FBXW11: variants seen among roughly 807,000 people sequenced by gnomAD.
FBXW11 encodes the protein F-box/WD repeat-containing protein 11.
Under a neutral mutation model 77.6 loss-of-function variants are expected in FBXW11, and 19 were observed. The ratio of observed to expected loss-of-function variants is 0.24; its 90% confidence interval spans 0.17 to 0.36. FBXW11 has a LOEUF of 0.36. Among genes scored for constraint, FBXW11 ranks in the 10% least tolerant of loss-of-function variants. The pLI is 1.00. For synonymous variants in FBXW11, 235 were observed against 249.4 expected (o/e 0.94, Z 0.54); for missense variants, 334 against 704.2 (o/e 0.47, Z 5.95).
rs1049016876 is a variant in FBXW11, at chr5:171,932,164, C to G, written c.148-17759G>C. Among the ~76,000 whole-genome samples the G allele has an allele frequency of 7.2e-4, 109 of 152,088 alleles. 2 individuals are homozygous for G. The highest frequency in any genetic ancestry group is 1.0e-3 in the South Asian group (5 of 4,808). On this transcript the variant is annotated intron_variant, in intron 2 of 13. Transcript: ENST00000517395. ...TGCTGGGATTATAGGTGTGAGCCAC[C>G]ATGCCTGGCCTAGAAACAATTCTTC...
chr5:171,888,315 T>TTACCCTTGAGCTGTA (rs1759055298), intron 7 of FBXW11, among the ~76,000 whole-genome samples: 1 of 152,200 alleles, frequency 6.6e-6, no homozygotes, highest in Non-Finnish European at 1.5e-5. Context: ...TGACTTGGGC[T>TTACCCTTGAGCTGTA]TACCCTTGAG....
intron 1 of FBXW11, among the ~76,000 whole-genome samples, chr5:171,993,999 T>C (rs1436355821): frequency 6.6e-6 from 1 of 152,242 alleles, no homozygotes; most frequent in Non-Finnish European, 1.5e-5. Flanking sequence ...AACTAACCTA[T>C]TCCAAGTTGC....
At position 171,872,969 on chromosome 5, in the gene FBXW11, C is replaced by G. The variant is rs1757846396; in HGVS notation, c.1243G>C (p.Glu415Gln). ...TIKVWSTSTCEFVRTLNGHKR... is the reference protein window; with the variant it reads ...TIKVWSTSTCQFVRTLNGHKR... ...TGCCCATTGAGAGTACGAACAAATT[C>G]ACAGGTGCTCGTGCTCCAGACCTGT... Residue 415 changes from glutamate to glutamine, a missense_variant, in exon 10 of 14, where the codon GAA becomes CAA. Coordinates refer to ENST00000517395, the MANE Select transcript of FBXW11 (RefSeq NM_001378974.1). The G allele has an allele frequency of 1.9e-6, 3 of 1,613,774 alleles. No homozygotes were observed.
intron 2 of FBXW11, among the ~76,000 whole-genome samples, chr5:171,920,169 C>CA (rs557922792): frequency 4.2e-4 from 62 of 148,930 alleles, no homozygotes; most frequent in South Asian, 1.1e-3. Context: ...TCTCAAAAAA[C>CA]AAAAAAAAAG....
At chr5:171,921,002 G>A (rs1051000585) in intron 2 of FBXW11, among the ~76,000 whole-genome samples, 2 of 152,120 alleles carry the variant, frequency 1.3e-5, no homozygotes, top group African/African-American at 4.8e-5. Context: ...ACAATATTGT[G>A]ACTTGAAAAC....
At chr5:171,992,449 A>G (rs1765795290) in intron 1 of FBXW11, among the ~76,000 whole-genome samples, 1 of 151,690 alleles carries the variant, frequency 6.6e-6, no homozygotes, top group South Asian at 2.1e-4. Flanking sequence ...AAAGGGGGAG[A>G]GAGAGAGAGA....
chr5:171,943,206 T>C (rs1168732574), intron 2 of FBXW11, among the ~76,000 whole-genome samples: 1 of 152,222 alleles, frequency 6.6e-6, no homozygotes, highest in Non-Finnish European at 1.5e-5. Context: ...CTACAACAAT[T>C]GGCAGCTTGT....
chr5:171,963,577 A>G (rs192326921), intron 1 of FBXW11, among the ~76,000 whole-genome samples: 2 of 152,310 alleles, frequency 1.3e-5, no homozygotes, highest in East Asian at 3.9e-4. Context: ...CCAATTTTAC[A>G]TCAATGTGAA....
At chr5:171,901,254 C>CTGTT in intron 4 of FBXW11, among the ~76,000 whole-genome samples, 1 of 152,270 alleles carries the variant, frequency 6.6e-6, no homozygotes, top group African/African-American at 2.4e-5. Flanking sequence ...AGGTTAATAT[C>CTGTT]TGTTCTCTTT....
intron 6 of FBXW11, among the ~76,000 whole-genome samples, chr5:171,896,651 T>C (rs539493195): frequency 6.6e-6 from 1 of 152,322 alleles, no homozygotes; most frequent in East Asian, 1.9e-4. Flanking sequence ...CCATCCCATC[T>C]CTTCTACTTA....
intron 2 of FBXW11, chr5:171,916,542 G>T: frequency 1.3e-6 from 1 of 796,008 alleles, no homozygotes; most frequent in Non-Finnish European, 1.5e-6. Context: ...ATGGGATGAA[G>T]AACAAGGAAA....
intron 1 of FBXW11, among the ~76,000 whole-genome samples, chr5:171,965,443 T>C (rs1050992701): frequency 1.3e-5 from 2 of 151,770 alleles, no homozygotes; most frequent in Admixed American, 1.3e-4. Flanking sequence ...CGAGAATTGC[T>C]TGAACCCAGG....
chr5:171,983,115 G>A (rs1052983796), intron 1 of FBXW11, among the ~76,000 whole-genome samples: 13 of 152,098 alleles, frequency 8.5e-5, no homozygotes, highest in Admixed American at 3.3e-4. Context: ...GCTTAAGCCC[G>A]AAAGGTCAAG....
At chr5:171,968,847 A>C (rs901804951) in intron 1 of FBXW11, among the ~76,000 whole-genome samples, 33 of 152,230 alleles carry the variant, frequency 2.2e-4, no homozygotes, top group Middle Eastern at 3.2e-3. Flanking sequence ...AAAGACTTTA[A>C]TCAGAGAATT....
chr5:171,949,032 G>A (rs1288232565), intron 2 of FBXW11, among the ~76,000 whole-genome samples: 1 of 152,104 alleles, frequency 6.6e-6, no homozygotes, highest in South Asian at 2.1e-4. Context: ...AGATCACCAA[G>A]TCATCCTCAC....
intron 3 of FBXW11, among the ~76,000 whole-genome samples, chr5:171,913,818 TACACACACACACACACACAC>T (rs1161644281): frequency 8.9e-4 from 58 of 65,384 alleles, no homozygotes; most frequent in African/African-American, 2.6e-3. Context: ...CACACACACA[TACACACACACACACACACAC>T]ACACACACAC....
chr5:171,869,847 C>T lies in FBXW11; in HGVS notation c.1452-40G>A. 1 of 1,368,116 alleles carries T rather than the reference C, an allele frequency of 7.3e-7. No homozygotes were observed. The allele number at this position is 1,368,116 out of a possible 1,614,324, so 84.7% of individuals were successfully genotyped here. On this transcript the variant is annotated intron_variant, in intron 11 of 13. Transcript: ENST00000517395. The surrounding 1 kb of genome is among the most constrained non-coding windows in gnomAD (Gnocchi z 4.1). ...GAGATGTGATTAGTGGAAAAGTGAA[C>T]AATTTATATGCTGTCAAACATTTCC...
At chr5:171,992,007 C>G (rs939074548) in intron 1 of FBXW11, among the ~76,000 whole-genome samples, 1 of 150,676 alleles carries the variant, frequency 6.6e-6, no homozygotes, top group African/African-American at 2.4e-5. Context: ...CCCAGCTACT[C>G]GGGAGGCTGA....
chr5:171,916,873 G>C (rs1761289920), intron 2 of FBXW11, among the ~76,000 whole-genome samples: 1 of 152,024 alleles, frequency 6.6e-6, no homozygotes, highest in Non-Finnish European at 1.5e-5. Flanking sequence ...ACATATGAGG[G>C]ATGTATATAT....
Sources: gnomAD v4.1 joint callset for allele counts (sites outside exome capture counted in the v4.1 genomes callset) on GRCh38, gnomAD v4.1.1 for gene constraint, Gnocchi (gnomAD v3.1) non-coding constraint, MANE v1.5 for transcripts, NCBI Gene and HGNC (gene_info 2026-07-23, HGNC 2026-07-21) for gene names.